PIEZO2: variants seen among roughly 807,000 people sequenced by gnomAD.
PIEZO2 encodes the protein piezo-type mechanosensitive ion channel component 2.
Under a neutral mutation model 337.3 loss-of-function variants are expected in PIEZO2, and 172 were observed. The ratio of observed to expected loss-of-function variants is 0.51; its 90% CI spans 0.45 to 0.58. PIEZO2 has a LOEUF of 0.58. Ranked by LOEUF, PIEZO2 falls within the 20% of genes least tolerant of loss-of-function variation. PIEZO2 has a pLI of 0.00. For missense variants in PIEZO2, 3,028 were observed against 3,391.3 expected (o/e 0.89, Z 2.66); for synonymous variants, 1,251 against 1,228.5 (o/e 1.02, Z -0.38).
Position 10,962,229 on chromosome 18 carries a change from C to T in PIEZO2, c.286+17306G>A, listed in dbSNP as rs1203963875. Among the ~76,000 whole-genome samples, 1 of 152,194 alleles carries T rather than the reference C, an allele frequency of 6.6e-6. No individual in the cohort carries two copies. Among genetic ancestry groups the T allele is most frequent in the Non-Finnish European group, 1.5e-5 (1 of 68,032 alleles). On this transcript the variant is annotated intron_variant, in intron 3 of 55. Coordinates refer to ENST00000674853, the MANE Select transcript of PIEZO2 (RefSeq NM_001378183.1). This position sits in a 1 kb window ranked among gnomAD's most constrained non-coding sequence, Gnocchi z 4.1. Reference sequence around the variant, plus strand: ...AAAAATAATGCAAAACGATGGTGATCCCAGGCTACACTGGCAACAGGTTAA... The same window carrying T: ...AAAAATAATGCAAAACGATGGTGATTCCAGGCTACACTGGCAACAGGTTAA...
Position 10,672,043 on chromosome 18 carries a change from A to G in PIEZO2, c.8346-264T>C, listed in dbSNP as rs1191239. On this transcript the variant is annotated intron_variant, in intron 55 of 55. Transcript: ENST00000674853. This position sits in a 1 kb window ranked among gnomAD's most constrained non-coding sequence, Gnocchi z 4.7. Reference sequence around the variant, plus strand: ...CAATCTCACATTCTGTAAATAATCAATGCTAACCGTTTCATGTATGAACTT... The same window carrying G: ...CAATCTCACATTCTGTAAATAATCAGTGCTAACCGTTTCATGTATGAACTT... 0.69 allele frequency among the ~76,000 whole-genome samples: 104,939 copies of G among 152,062 alleles called. 38,000 individuals are homozygous for G. Among genetic ancestry groups the G allele is most frequent in the Non-Finnish European group, 0.79 (53,528 of 67,992 alleles).
chr18:10,726,531 T>G lies in PIEZO2; in HGVS notation c.5029+4876A>C, dbSNP rs2036549379. 8.9e-6 allele frequency: 13 copies of G among 1,456,358 alleles called. No homozygotes were observed. In the South Asian group the frequency reaches 1.4e-4, roughly 15 times the overall value. The allele number at this position is 1,456,358 out of a possible 1,614,324, so 90.2% of individuals were successfully genotyped here. A position where few individuals can be genotyped will look rare whatever the true frequency, so the allele number is the denominator to read the frequency against. ...CCGTTCCTGTGGCGCGCTGCGCTGC[T>G]CTGCTCTGCTACACCAGCCGCCACG... On this transcript the variant is annotated intron_variant, in intron 36 of 55. Transcript: ENST00000674853. This position sits in a 1 kb window ranked among gnomAD's most constrained non-coding sequence, Gnocchi z 5.9.
intron 7 of PIEZO2, among the ~76,000 whole-genome samples, chr18:10,845,190 G>GTT (rs2041317545): frequency 7.7e-6 from 1 of 130,086 alleles, no homozygotes; most frequent in Admixed American, 8.2e-5. Context: ...TTCCCATTGT[G>GTT]TGTGTGTGTG....
At chr18:11,076,773 AT>A (rs2038562460) in intron 1 of PIEZO2, among the ~76,000 whole-genome samples, 1 of 152,258 alleles carries the variant, frequency 6.6e-6, no homozygotes, top group Non-Finnish European at 1.5e-5. Flanking sequence ...CATATCAAAT[AT>A]TAATAACAGT....
At chr18:10,909,531 T>C (rs1194500482) in intron 4 of PIEZO2, among the ~76,000 whole-genome samples, 4 of 942 alleles carry the variant, frequency 4.2e-3, no homozygotes, top group Admixed American at 0.036. Flanking sequence ...GATGGCACTA[T>C]TCTGGAAGAA....
chr18:10,809,024 C>T (rs2040090705), intron 7 of PIEZO2, among the ~76,000 whole-genome samples: 1 of 152,148 alleles, frequency 6.6e-6, no homozygotes, highest in Non-Finnish European at 1.5e-5. Flanking sequence ...GAACTAAATG[C>T]TTCATATCAT....
chr18:10,691,782 C>CACACACACACACACACATAT, intron 47 of PIEZO2, among the ~76,000 whole-genome samples: 2 of 96,644 alleles, frequency 2.1e-5, no homozygotes, highest in Non-Finnish European at 2.0e-5. Flanking sequence ...CACACACACA[C>CACACACACACACACACATAT]ATATATATAT....
In PIEZO2 at chr18:10,807,180, G is replaced by A; in HGVS notation, c.1012C>T (p.Pro338Ser). ...PDLSWYHHANPILLLVMYYTL... is the reference protein window; with the variant it reads ...PDLSWYHHANSILLLVMYYTL... ...TAGTACATCACCAGCAGGAGGATAG[G>A]GTTGGCGTGGTGGTACCACGACAGG... The change falls in exon 8 of 56, where the codon CCT becomes TCT. Residue 338 changes from proline to serine, a missense_variant. Transcript: ENST00000674853. 6.5e-7 allele frequency: 1 copy of A among 1,537,240 alleles called. No homozygotes were observed. Among genetic ancestry groups the A allele is most frequent in the South Asian group, 1.2e-5 (1 of 84,050 alleles).
At chr18:10,757,842 T>G (rs747674051) in intron 27 of PIEZO2, 127 bp downstream of exon 27, 33 of 1,045,258 alleles carry the variant, frequency 3.2e-5, no homozygotes, top group Non-Finnish European at 4.2e-5. Flanking sequence ...TGTCCAGCAT[T>G]TATTAACTTC....
chr18:11,016,431 T>TAGGG lies in PIEZO2; in HGVS notation c.161-36772_161-36771insCCCT, dbSNP rs1457750895. ...ACAGAGGAACCAAAACCCAGACAATTCCCTTCAGGGGCCCCAGAGAGAAAG... is the reference window on the plus strand; with the variant it reads ...ACAGAGGAACCAAAACCCAGACAATTAGGGCCCTTCAGGGGCCCCAGAGAGAAAG... On this transcript the variant is annotated intron_variant, in intron 2 of 55. Coordinates refer to ENST00000674853, the MANE Select transcript of PIEZO2 (RefSeq NM_001378183.1). This position sits in a 1 kb window ranked among gnomAD's most constrained non-coding sequence, Gnocchi z 5.6. Among the ~76,000 whole-genome samples the TAGGG allele has an allele frequency of 2.0e-5, 3 of 151,930 alleles. No individual in the cohort carries two copies. The highest frequency in any genetic ancestry group is 4.4e-5 in the Non-Finnish European group (3 of 67,990).
rs887300939 is a variant in PIEZO2, at chr18:10,819,516, A to G, written c.918-12242T>C. Among the ~76,000 whole-genome samples the G allele has an allele frequency of 1.3e-5, 2 of 152,188 alleles. No individual in the cohort carries two copies. The highest frequency in any genetic ancestry group is 4.8e-5 in the African/African-American group (2 of 41,456). On this transcript the variant is annotated intron_variant, in intron 7 of 55. Coordinates refer to ENST00000674853, the MANE Select transcript of PIEZO2 (RefSeq NM_001378183.1). The surrounding 1 kb of genome is among the most constrained non-coding windows in gnomAD (Gnocchi z 4.3). ...CTGCCTGTTTCTTTGATCAGATTTTAATGCTGACTGCTCTATCAATGTCGA... is the reference window on the plus strand; with the variant it reads ...CTGCCTGTTTCTTTGATCAGATTTTGATGCTGACTGCTCTATCAATGTCGA...
rs189950633 is a variant in PIEZO2, at chr18:11,129,919, G to T, written c.64+18606C>A. ...CAGTGGGTCCCCAGCCTCATCCTGT[G>T]GTCATTTCCCCAATGCCAGAATGCA... On this transcript the variant is annotated intron_variant, in intron 1 of 55. Coordinates refer to ENST00000674853, the MANE Select transcript of PIEZO2 (RefSeq NM_001378183.1). The surrounding 1 kb of genome is among the most constrained non-coding windows in gnomAD (Gnocchi z 4.6). 2.6e-5 allele frequency among the ~76,000 whole-genome samples: 4 copies of T among 152,172 alleles called. No homozygotes were observed. Among genetic ancestry groups the T allele is most frequent in the Admixed American group, 1.3e-4 (2 of 15,290 alleles).
In PIEZO2 at chr18:10,813,962, A is replaced by G. The variant is rs1470447940; in HGVS notation, c.918-6688T>C. Among the ~76,000 whole-genome samples, 6 of 150,000 alleles carry G rather than the reference A, an allele frequency of 4.0e-5. No homozygotes were observed. In the East Asian group the frequency reaches 1.2e-3, roughly 29 times the overall value. ...GTCATCCTAATAGGTGTGAGATGGG[A>G]CACCATATATTTTTTTTTTTTTTGA... On this transcript the variant is annotated intron_variant, in intron 7 of 55. Transcript: ENST00000674853. The surrounding 1 kb of genome is among the most constrained non-coding windows in gnomAD (Gnocchi z 4.2).
chr18:10,844,678 A>G (rs1234447120), intron 7 of PIEZO2, among the ~76,000 whole-genome samples: 3 of 151,090 alleles, frequency 2.0e-5, no homozygotes, highest in Non-Finnish European at 4.4e-5. Flanking sequence ...AGTCCCAGCT[A>G]CTCGGGAGGC....
In PIEZO2 at chr18:10,773,605, G is replaced by A; in HGVS notation, c.2592C>T (p.Leu864=). Residue 864 remains leucine, a synonymous_variant, in exon 20 of 56, where the codon CTC becomes CTT. Transcript: ENST00000674853. The surrounding 1 kb of genome is among the most constrained non-coding windows in gnomAD (Gnocchi z 5.3). ...QNELAHPEGS[L]PDLTMMHLTA... is the part of the protein sequence containing the mutation. The stretch of plus-strand genomic sequence containing the variant: ...TCAGATGCATCATGGTGAGGTCCGG[G>A]AGGCTTCCTTCCGGGTGGGCCAGTC... 2.0e-6 allele frequency: 3 copies of A among 1,537,346 alleles called. No homozygotes were observed. Among genetic ancestry groups the A allele is most frequent in the South Asian group, 1.2e-5 (1 of 84,064 alleles).
intron 5 of PIEZO2, among the ~76,000 whole-genome samples, chr18:10,867,693 A>G (rs907790794): frequency 2.0e-5 from 3 of 152,206 alleles, no homozygotes; most frequent in Admixed American, 2.0e-4. Context: ...TAATAGCTAG[A>G]AAGAATTGTA....
intron 3 of PIEZO2, among the ~76,000 whole-genome samples, chr18:10,970,989 C>T (rs887738897): frequency 6.6e-6 from 1 of 152,134 alleles, no homozygotes; most frequent in Non-Finnish European, 1.5e-5. Flanking sequence ...GCAATTTCCA[C>T]CGATGGGAAG....
intron 1 of PIEZO2, among the ~76,000 whole-genome samples, chr18:11,071,941 G>A (rs1007976417): frequency 2.1e-5 from 3 of 144,638 alleles, no homozygotes; most frequent in Admixed American, 1.4e-4. Flanking sequence ...TTTCCCACCC[G>A]TGCCCATCCT....
intron 44 of PIEZO2, among the ~76,000 whole-genome samples, chr18:10,698,609 A>G (rs541832801): frequency 6.6e-6 from 1 of 152,318 alleles, no homozygotes; most frequent in East Asian, 1.9e-4. Flanking sequence ...CGCCCTGCAG[A>G]TTTTTCGCAT....
Sources: allele counts gnomAD v4.1 joint callset (sites outside exome capture counted in the v4.1 genomes callset), GRCh38; gene constraint gnomAD v4.1.1; non-coding constraint Gnocchi (gnomAD v3.1); transcripts MANE v1.5; gene names NCBI Gene and HGNC (gene_info 2026-07-23, HGNC 2026-07-21).